The following FAIM variants were observed in gnomAD, a reference collection of about 807,000 sequenced individuals.
FAIM encodes the protein fas apoptotic inhibitory molecule 1.
In FAIM, 14 loss-of-function variants were observed where a neutral mutation model predicts 21.2. The ratio of observed to expected loss-of-function variants is 0.66; its 90% confidence interval spans 0.44 to 1.03. The LOEUF (loss-of-function observed/expected upper bound fraction) is 1.03, where lower values mean the gene tolerates loss of function less well. FAIM is among the 50% of genes least tolerant of loss of function. The pLI, the probability that FAIM is intolerant of heterozygous loss-of-function variation, is 0.00. For missense variants in FAIM, 222 were observed against 247.1 expected (o/e 0.90, Z 0.68); for synonymous variants, 86 against 80.4 (o/e 1.07, Z -0.37).
chr3:138,620,382 AC>A (rs1384798459), intron 2 of FAIM, among the ~76,000 whole-genome samples: 1 of 152,242 alleles, frequency 6.6e-6, no homozygotes, highest in African/African-American at 2.4e-5. Context: ...AAAAAGATAC[AC>A]CAATATCAAA....
At chr3:138,631,908 C>G (rs1358154273) in intron 5 of FAIM, among the ~76,000 whole-genome samples, 3 of 152,088 alleles carry the variant, frequency 2.0e-5, no homozygotes, top group Non-Finnish European at 4.4e-5. Flanking sequence ...AAAGGCTTCT[C>G]TCCCTGAGGC....
intron 4 of FAIM, among the ~76,000 whole-genome samples, chr3:138,627,567 C>T (rs377364539): frequency 2.4e-4 from 37 of 152,254 alleles, no homozygotes; most frequent in South Asian, 1.9e-3. Flanking sequence ...CATGCTAATA[C>T]GCTATTGTAG....
chr3:138,610,849 C>A, intron 1 of FAIM: 1 of 870,878 alleles, frequency 1.1e-6, no homozygotes, highest in Non-Finnish European at 1.9e-6. Flanking sequence ...TCCCAAAGTG[C>A]TGGGATTACG....
chr3:138,626,027 C>G (rs527884533), intron 4 of FAIM, among the ~76,000 whole-genome samples: 4 of 152,256 alleles, frequency 2.6e-5, no homozygotes, highest in African/African-American at 9.6e-5. Flanking sequence ...TGAAACTTCA[C>G]GCTGGAAGGA....
chr3:138,609,593 ACTCT>A (rs145700416), intron 1 of FAIM, among the ~76,000 whole-genome samples: 7 of 26,764 alleles, frequency 2.6e-4, no homozygotes, highest in Admixed American at 8.5e-4. Context: ...CTCTCTCTCG[ACTCT>A]CTCTCTCTCT....
rs756156251 is a variant in FAIM at position 138,621,376 on chromosome 3, C to G, written c.45-31C>G. 3.7e-6 allele frequency: 6 copies of G among 1,603,058 alleles called. No individual in the cohort carries two copies. In the African/African-American group the frequency reaches 8.1e-5, roughly 22 times the overall value. On this transcript the variant is annotated intron_variant, in intron 2 of 5. Transcript: ENST00000360570. ...TTGGTTATTTAATTAGTATTTTGGC[C>G]TACTATAATTGCTTTATTTTATTCC... is the stretch of plus-strand genomic sequence containing the variant.
intron 1 of FAIM, among the ~76,000 whole-genome samples, chr3:138,613,218 C>A (rs1445708087): frequency 6.6e-6 from 1 of 151,942 alleles, no homozygotes; most frequent in Non-Finnish European, 1.5e-5. Flanking sequence ...TGGGGTTTCA[C>A]CATGTTGGCC....
At chr3:138,610,647 A>G (rs2042757396) in intron 1 of FAIM, 1 of 225,246 alleles carries the variant, frequency 4.4e-6, no homozygotes. Flanking sequence ...CAGTGGCATG[A>G]TCTCGGCTCA....
chr3:138,622,441 AC>A, intron 4 of FAIM, 25 bp downstream of exon 4: 8 of 1,419,752 alleles, frequency 5.6e-6, no homozygotes, highest in African/African-American at 1.5e-5. Flanking sequence ...TTTCCGCAGA[AC>A]TTTTTTTTTT....
chr3:138,627,583 C>CT (rs1238970655), intron 4 of FAIM, among the ~76,000 whole-genome samples: 2 of 152,186 alleles, frequency 1.3e-5, no homozygotes, highest in African/African-American at 4.8e-5. Context: ...TGTAGAAACT[C>CT]TGAGTACACG....
At chr3:138,627,273 C>T (rs2042949379) in intron 4 of FAIM, among the ~76,000 whole-genome samples, 1 of 151,740 alleles carries the variant, frequency 6.6e-6, no homozygotes, top group African/African-American at 2.4e-5. Context: ...CCTCTGCCTC[C>T]TGGGTTCAAG....
At chr3:138,609,593 A>ACCTCTCC (rs2042742221) in intron 1 of FAIM, among the ~76,000 whole-genome samples, 1 of 26,780 alleles carries the variant, frequency 3.7e-5, no homozygotes, top group Non-Finnish European at 5.8e-5. Context: ...CTCTCTCTCG[A>ACCTCTCC]CTCTCTCTCT....
intron 4 of FAIM, 96 bp from the exon 5 acceptor site, chr3:138,629,011 G>A (rs1301359175): frequency 1.7e-5 from 15 of 861,082 alleles, no homozygotes; most frequent in Non-Finnish European, 2.5e-5. Flanking sequence ...TAGAGATCTG[G>A]TATATCAATC....
intron 1 of FAIM, among the ~76,000 whole-genome samples, chr3:138,611,671 A>G (rs1160051466): frequency 2.6e-5 from 4 of 152,198 alleles, no homozygotes; most frequent in Non-Finnish European, 5.9e-5. Context: ...CAGTGAATAC[A>G]TTAATGCCCT....
intron 3 of FAIM, 90 bp from the exon 4 acceptor site, chr3:138,622,098 G>T: frequency 9.6e-7 from 1 of 1,043,492 alleles, no homozygotes. Context: ...ATATCTAAAT[G>T]GCATTGCCTT....
rs2043026728 is a variant in FAIM, at chr3:138,633,313, A to G, written c.*234A>G. The G allele has an allele frequency of 3.3e-6, 1 of 300,548 alleles. No individual in the cohort carries two copies. The highest frequency in any genetic ancestry group is 6.4e-5 in the South Asian group (1 of 15,652). 18.6% of individuals were successfully genotyped at this position (300,548 alleles called of 1,614,324 possible). A position where few individuals can be genotyped will look rare whatever the true frequency, so the allele number is the denominator to read the frequency against. On this transcript the variant is annotated 3_prime_UTR_variant, in exon 6 of 6. Transcript: ENST00000360570. ...TTTAAAGACAAATGGCAAATAAGAT[A>G]TGGACCAAAGTCACTAATGTTTTAC... is the stretch of plus-strand genomic sequence containing the variant.
In FAIM at chr3:138,621,554, T is replaced by C. The variant is rs751749831; in HGVS notation, c.177+15T>C. The C allele has an allele frequency of 1.9e-6, 3 of 1,606,772 alleles. No individual in the cohort carries two copies. The highest frequency in any genetic ancestry group is 3.4e-5 in the Admixed American group (2 of 58,090). On this transcript the variant is annotated intron_variant, in intron 3 of 5. Transcript: ENST00000360570. Reference sequence around the variant, plus strand: ...TAGATGGAAAGGTAGGAAGAAAATATGTTACTTTGTAAAATATGATATATA... The same window carrying C: ...TAGATGGAAAGGTAGGAAGAAAATACGTTACTTTGTAAAATATGATATATA...
chr3:138,611,874 A>G (rs1032596029), intron 1 of FAIM, among the ~76,000 whole-genome samples: 3 of 152,140 alleles, frequency 2.0e-5, no homozygotes, highest in African/African-American at 7.2e-5. Flanking sequence ...CCCAATCTTG[A>G]GCTTCTCCAG....
chr3:138,614,351 G>A lies in FAIM; in HGVS notation c.-16-5360G>A, dbSNP rs570045362. ...GCTACTAAGGAGGCTGAGGTGGGAGGATTGTTTGAGCCCAGGAGGTCGAGG... is the reference window on the plus strand; with the variant it reads ...GCTACTAAGGAGGCTGAGGTGGGAGAATTGTTTGAGCCCAGGAGGTCGAGG... On this transcript the variant is annotated intron_variant, in intron 1 of 5. Transcript: ENST00000360570. Among the ~76,000 whole-genome samples, 5 of 152,170 alleles carry A rather than the reference G, an allele frequency of 3.3e-5. No homozygotes were observed. The East Asian group carries it at 9.7e-4, about 29-fold the overall frequency.
Sources: allele counts gnomAD v4.1 joint callset (sites outside exome capture counted in the v4.1 genomes callset), GRCh38; gene constraint gnomAD v4.1.1; transcripts MANE v1.5; gene names NCBI Gene and HGNC (gene_info 2026-07-23, HGNC 2026-07-21).